L3MBTL4: variants seen among roughly 807,000 people sequenced by gnomAD.
The protein encoded by L3MBTL4 is lethal(3)malignant brain tumor-like protein 4.
In L3MBTL4, 70 loss-of-function variants were observed where a neutral mutation model predicts 84.5. The observed-to-expected ratio is 0.83, with a 90% CI of 0.68 to 1.01. The LOEUF (loss-of-function observed/expected upper bound fraction) is 1.01. Among genes scored for constraint, L3MBTL4 ranks in the 50% least tolerant of loss-of-function variants. The pLI, the probability that L3MBTL4 is intolerant of heterozygous loss-of-function variation, is 0.00. For missense variants in L3MBTL4, 715 were observed against 754.8 expected, an observed-to-expected ratio of 0.95 and a Z score of 0.62; for synonymous variants, 274 against 259.8, an observed-to-expected ratio of 1.05 and a Z score of -0.52.
chr18:6,223,516 CACAA>C (rs146107048), intron 10 of L3MBTL4, among the ~76,000 whole-genome samples: 1,672 of 152,084 alleles, frequency 0.011, 30 homozygotes, highest in African/African-American at 0.037. Flanking sequence ...ATTTTTACAG[CACAA>C]ACAATGACAA....
chr18:6,288,902 C>G (rs1184495108), intron 4 of L3MBTL4, among the ~76,000 whole-genome samples: 1 of 151,360 alleles, frequency 6.6e-6, no homozygotes, highest in African/African-American at 2.4e-5. Context: ...GTTTCTGGGT[C>G]GTATCCAAAT....
intron 4 of L3MBTL4, among the ~76,000 whole-genome samples, chr18:6,269,393 T>G (rs1599418363): frequency 6.6e-6 from 1 of 151,276 alleles, no homozygotes. Flanking sequence ...GGAAGGAGAG[T>G]GTACAGTGAG....
At chr18:6,305,912 T>C (rs1319619289) in intron 3 of L3MBTL4, among the ~76,000 whole-genome samples, 1 of 152,170 alleles carries the variant, frequency 6.6e-6, no homozygotes, top group Non-Finnish European at 1.5e-5. Context: ...AGCTACTGAT[T>C]TGTGGTTGGC....
intron 16 of L3MBTL4, among the ~76,000 whole-genome samples, chr18:6,051,548 A>G (rs2056840101): frequency 6.6e-6 from 1 of 152,074 alleles, no homozygotes; most frequent in Admixed American, 6.5e-5. Context: ...CAAAAAAAAA[A>G]AAAGGAAGAA....
intron 1 of L3MBTL4, among the ~76,000 whole-genome samples, chr18:6,409,202 C>T (rs987564435): frequency 6.6e-6 from 1 of 152,170 alleles, no homozygotes; most frequent in Admixed American, 6.5e-5. Flanking sequence ...TATGAATGGG[C>T]TTTAATTGGC....
chr18:6,388,478 T>G (rs2054914063), intron 1 of L3MBTL4, among the ~76,000 whole-genome samples: 2 of 152,144 alleles, frequency 1.3e-5, no homozygotes, highest in Admixed American at 6.5e-5. Context: ...TTATAAACAG[T>G]GAACTGAATT....
At chr18:6,187,866 CAA>C (rs36013917) in intron 12 of L3MBTL4, among the ~76,000 whole-genome samples, 65 of 96,854 alleles carry the variant, frequency 6.7e-4, no homozygotes, top group Admixed American at 9.8e-4. Flanking sequence ...CTCTTGGTAC[CAA>C]AAAAAAAAAA....
At chr18:6,232,117 T>C (rs931461421) in intron 10 of L3MBTL4, among the ~76,000 whole-genome samples, 4 of 152,160 alleles carry the variant, frequency 2.6e-5, no homozygotes, top group African/African-American at 9.6e-5. Context: ...TCTTGTCAAA[T>C]GCTTTTCTGC....
At chr18:6,124,143 T>TAC (rs2059613226) in intron 14 of L3MBTL4, among the ~76,000 whole-genome samples, 1 of 152,142 alleles carries the variant, frequency 6.6e-6, no homozygotes, top group Non-Finnish European at 1.5e-5. Context: ...TTCATTCAAG[T>TAC]GATTTTCCTA....
chr18:6,187,759 C>T (rs1297806890), intron 12 of L3MBTL4, among the ~76,000 whole-genome samples: 4 of 151,658 alleles, frequency 2.6e-5, no homozygotes, highest in African/African-American at 4.8e-5. Context: ...TGAATGTTTG[C>T]AATTAACATG....
At chr18:6,375,732 G>A (rs1406234294) in intron 1 of L3MBTL4, among the ~76,000 whole-genome samples, 1 of 152,114 alleles carries the variant, frequency 6.6e-6, no homozygotes, top group African/African-American at 2.4e-5. Flanking sequence ...GAGAAATAGA[G>A]AAGAACCCAA....
chr18:6,387,925 T>C (rs931542940), intron 1 of L3MBTL4, among the ~76,000 whole-genome samples: 3 of 152,114 alleles, frequency 2.0e-5, no homozygotes, highest in Admixed American at 6.5e-5. Flanking sequence ...AAAAAGTGTA[T>C]AAAAGTTGAT....
At chr18:6,083,244 C>T (rs2058140352) in intron 15 of L3MBTL4, among the ~76,000 whole-genome samples, 1 of 152,156 alleles carries the variant, frequency 6.6e-6, no homozygotes, top group African/African-American at 2.4e-5. Context: ...GTTGCTGGGC[C>T]AGTGGGGTCT....
At chr18:6,223,795 C>T (rs547710083) in intron 10 of L3MBTL4, among the ~76,000 whole-genome samples, 14 of 152,240 alleles carry the variant, frequency 9.2e-5, no homozygotes, top group South Asian at 6.2e-4. Flanking sequence ...TTCTATTCTC[C>T]GGCTGAAATG....
At chr18:6,213,296 A>T in intron 11 of L3MBTL4, 37 bp from the exon 12 acceptor site, 1 of 1,177,870 alleles carries the variant, frequency 8.5e-7, no homozygotes. Context: ...AATCATGCAA[A>T]ATTCAGTAAT....
chr18:6,014,189 T>C lies in L3MBTL4; in HGVS notation c.1445-44627A>G, dbSNP rs1940592. ...GAGTTTTAAAGGTGCTGTATAAAGA[T>C]AATGGTTACACAAACATAATGCATC... is the stretch of plus-strand genomic sequence containing the variant. On this transcript the variant is annotated intron_variant, in intron 16 of 18. Transcript: ENST00000317931. Among the ~76,000 whole-genome samples, 1,478 of 152,300 alleles carry C rather than the reference T, an allele frequency of 9.7e-3. 9 individuals are homozygous for C. The highest frequency in any genetic ancestry group is 0.014 in the Non-Finnish European group (969 of 68,022).
chr18:6,329,585 G>C (rs2143078692), intron 1 of L3MBTL4, among the ~76,000 whole-genome samples: 1 of 152,274 alleles, frequency 6.6e-6, no homozygotes, highest in Non-Finnish European at 1.5e-5. Context: ...TACACTTATG[G>C]AGGCTGAGAA....
At chr18:6,072,761 C>CAGG (rs2057706794) in intron 16 of L3MBTL4, among the ~76,000 whole-genome samples, 2 of 146,898 alleles carry the variant, frequency 1.4e-5, no homozygotes, top group Non-Finnish European at 3.0e-5. Context: ...GAGGCTGAAG[C>CAGG]AGGAGTATGG....
chr18:6,351,187 C>T (rs999790794), intron 1 of L3MBTL4, among the ~76,000 whole-genome samples: 1 of 152,104 alleles, frequency 6.6e-6, no homozygotes, highest in Non-Finnish European at 1.5e-5. Context: ...TGCAGCGAGA[C>T]TCCATCTCGA....
Sources: allele counts gnomAD v4.1 joint callset (sites outside exome capture counted in the v4.1 genomes callset), GRCh38; gene constraint gnomAD v4.1.1; transcripts MANE v1.5; gene names NCBI Gene and HGNC (gene_info 2026-07-23, HGNC 2026-07-21).